Variants in PSD3 observed in about 807,000 individuals in gnomAD.
PSD3 encodes the protein PH and SEC7 domain-containing protein 3.
In PSD3, 49 loss-of-function variants were observed where a neutral mutation model predicts 105.5. The ratio of observed to expected loss-of-function variants is 0.46; its 90% CI spans 0.37 to 0.59. The LOEUF (loss-of-function observed/expected upper bound fraction) is 0.59. PSD3 is among the 20% of genes least tolerant of loss of function. The pLI is 0.00. For synonymous variants in PSD3, 557 were observed against 457.8 expected (o/e 1.22, Z -2.77); for missense variants, 1,561 against 1,263.8 (o/e 1.24, Z -3.57).
chr8:18,988,187 G>A (rs1361966226), intron 1 of PSD3, among the ~76,000 whole-genome samples: 1 of 137,710 alleles, frequency 7.3e-6, no homozygotes, highest in African/African-American at 2.5e-5. Context: ...TAGAAAAGCT[G>A]CTTGAATTGA....
intron 8 of PSD3, among the ~76,000 whole-genome samples, chr8:18,769,412 C>T (rs1227565259): frequency 2.0e-5 from 3 of 152,062 alleles, no homozygotes; most frequent in African/African-American, 4.8e-5. Context: ...GAAAATTTTT[C>T]TCTTAAAAAA....
intron 4 of PSD3, among the ~76,000 whole-genome samples, chr8:18,817,240 GTTA>G (rs1197160073): frequency 6.6e-6 from 1 of 152,218 alleles, no homozygotes; most frequent in Non-Finnish European, 1.5e-5. Flanking sequence ...TTTACAAAAG[GTTA>G]TTAGTATCAT....
At chr8:18,904,576 G>A (rs1253189616) in intron 2 of PSD3, among the ~76,000 whole-genome samples, 11 of 152,128 alleles carry the variant, frequency 7.2e-5, no homozygotes, top group Non-Finnish European at 1.6e-4. Flanking sequence ...CTTTTGAAAT[G>A]GTAATGTGTA....
chr8:18,865,255 TATATATATATATATATATATATATATA>T (rs1563360141), intron 4 of PSD3: 3 of 3,838 alleles, frequency 7.8e-4, no homozygotes, highest in African/African-American at 9.7e-4. Context: ...TATATATATA[TATATATATATATATATATATATATATA>T]TATATTTTTT....
At chr8:18,800,559 C>T (rs1018596502) in intron 7 of PSD3, among the ~76,000 whole-genome samples, 5 of 152,198 alleles carry the variant, frequency 3.3e-5, no homozygotes, top group Admixed American at 3.3e-4. Flanking sequence ...AAGTGCTTCA[C>T]TTCAAACACT....
At chr8:18,620,260 T>A (rs1806007826) in intron 11 of PSD3, among the ~76,000 whole-genome samples, 1 of 152,146 alleles carries the variant, frequency 6.6e-6, no homozygotes, top group Non-Finnish European at 1.5e-5. Flanking sequence ...TCTTTGCCTG[T>A]AACTCATCTC....
intron 15 of PSD3, among the ~76,000 whole-genome samples, chr8:18,540,580 C>G (rs1312314490): frequency 6.6e-6 from 1 of 152,186 alleles, no homozygotes; most frequent in African/African-American, 2.4e-5. Flanking sequence ...GTCCATCTAT[C>G]TTCAGAACTG....
chr8:19,083,035 C>A (rs1009901570), intron 1 of PSD3, among the ~76,000 whole-genome samples: 16 of 152,060 alleles, frequency 1.1e-4, no homozygotes, highest in African/African-American at 3.9e-4. Flanking sequence ...TGACGCAGTA[C>A]CCCCTCTAAG....
At position 18,747,953 on chromosome 8, in the gene PSD3, G is replaced by A. The variant is rs1805163881; in HGVS notation, c.2172+17496C>T. Reference sequence around the variant, plus strand: ...AACAAACTCTGGCAAGAGAGAGGGAGAAAGGTTTGGAAAGACTACGGAAGT... The same window carrying A: ...AACAAACTCTGGCAAGAGAGAGGGAAAAAGGTTTGGAAAGACTACGGAAGT... On this transcript the variant is annotated intron_variant, in intron 9 of 15. Transcript: ENST00000327040. 1.3e-5 allele frequency among the ~76,000 whole-genome samples: 2 copies of A among 152,108 alleles called. 1 individual carries two copies. The highest frequency in any genetic ancestry group is 4.2e-4 in the South Asian group (2 of 4,812).
At chr8:18,942,761 T>C (rs1822631734) in intron 1 of PSD3, among the ~76,000 whole-genome samples, 1 of 152,172 alleles carries the variant, frequency 6.6e-6, no homozygotes, top group Non-Finnish European at 1.5e-5. Flanking sequence ...ATTTCTACTC[T>C]CTAGAACTGT....
chr8:18,945,888 C>T (rs553176167), intron 1 of PSD3, among the ~76,000 whole-genome samples: 8 of 152,134 alleles, frequency 5.3e-5, no homozygotes, highest in African/African-American at 1.4e-4. Context: ...ACAGGAGAAT[C>T]GCTTGAACCC....
chr8:18,837,236 T>C (rs1433890389), intron 4 of PSD3, among the ~76,000 whole-genome samples: 1 of 152,138 alleles, frequency 6.6e-6, no homozygotes. Context: ...GAGACGCTCT[T>C]GAACCAGCCA....
chr8:18,616,811 G>A (rs1456765662), intron 11 of PSD3, among the ~76,000 whole-genome samples: 1 of 151,232 alleles, frequency 6.6e-6, no homozygotes, highest in East Asian at 2.0e-4. Flanking sequence ...TTTTAGTAGA[G>A]ACGGGGTTTC....
intron 1 of PSD3, among the ~76,000 whole-genome samples, chr8:18,996,748 T>C (rs1586600053): frequency 2.0e-5 from 3 of 152,068 alleles, no homozygotes; most frequent in East Asian, 3.9e-4. Context: ...ATCTTTGCAA[T>C]ATTTTTCTAC....
intron 9 of PSD3, among the ~76,000 whole-genome samples, chr8:18,717,932 C>T (rs1384431698): frequency 6.6e-6 from 1 of 152,222 alleles, no homozygotes; most frequent in South Asian, 2.1e-4. Flanking sequence ...AGACTAAATG[C>T]TGAAGCTGGC....
intron 1 of PSD3, among the ~76,000 whole-genome samples, chr8:19,026,701 C>CAA (rs10669321): frequency 0.41 from 33,122 of 81,644 alleles, 7,740 homozygotes; most frequent in East Asian, 0.56. Context: ...CACATCTCTA[C>CAA]AAAAAAAAAA....
intron 1 of PSD3, among the ~76,000 whole-genome samples, chr8:18,974,557 C>T (rs1824825225): frequency 6.6e-6 from 1 of 152,114 alleles, no homozygotes; most frequent in Non-Finnish European, 1.5e-5. Context: ...CCCCACTACG[C>T]GCTAGTCCCA....
At chr8:18,809,708 T>C (rs1221435229) in intron 4 of PSD3, among the ~76,000 whole-genome samples, 4 of 152,220 alleles carry the variant, frequency 2.6e-5, no homozygotes, top group African/African-American at 9.6e-5. Context: ...TGTTCCATGA[T>C]TGCCAACTGG....
intron 15 of PSD3, among the ~76,000 whole-genome samples, chr8:18,537,548 T>C (rs953364304): frequency 1.3e-5 from 2 of 152,186 alleles, no homozygotes; most frequent in African/African-American, 4.8e-5. Flanking sequence ...CTCTTGTAGC[T>C]AAGTTGGGCC....
Sources: gnomAD v4.1 joint callset for allele counts (sites outside exome capture counted in the v4.1 genomes callset) on GRCh38, gnomAD v4.1.1 for gene constraint, MANE v1.5 for transcripts, NCBI Gene and HGNC (gene_info 2026-07-23, HGNC 2026-07-21) for gene names.